PXT1: variants seen among roughly 807,000 people sequenced by gnomAD.
PXT1 encodes peroxisomal testis-specific protein 1.
Under a neutral mutation model 11.0 loss-of-function variants are expected in PXT1, and 11 were observed. The observed-to-expected ratio is 1.00, with a 90% CI of 0.63 to 1.66. PXT1 has a LOEUF of 1.66. Ranked by LOEUF, PXT1 falls within the 40% of genes most tolerant of loss-of-function variation. PXT1 has a pLI of 0.00. For synonymous variants in PXT1, 43 were observed against 51.4 expected (o/e 0.84, Z 0.70); for missense variants, 141 against 155.5 (o/e 0.91, Z 0.49).
chr6:36,424,588 G>C (rs551793755), intron 3 of PXT1, among the ~76,000 whole-genome samples: 1 of 152,320 alleles, frequency 6.6e-6, no homozygotes, highest in South Asian at 2.1e-4. Context: ...ACAGTGAGCC[G>C]AGATCGCGCC....
At position 36,411,494 on chromosome 6, in the gene PXT1, G is replaced by T. The variant is rs750510489; in HGVS notation, c.170-10910C>A. On this transcript the variant is annotated intron_variant, in intron 3 of 4. Transcript: ENST00000454782. ...TACCATAGTAACTACCTCATAGAGG[G>T]GTTGTTGAGATGACTTGATGAGTTA... 6.2e-4 allele frequency among the ~76,000 whole-genome samples: 94 copies of T among 152,166 alleles called. 1 individual carries two copies. Among genetic ancestry groups the T allele is most frequent in the Middle Eastern group, 6.8e-3 (2 of 294 alleles).
chr6:36,420,126 C>G (rs769766665), intron 3 of PXT1, among the ~76,000 whole-genome samples: 10 of 152,224 alleles, frequency 6.6e-5, no homozygotes, highest in Non-Finnish European at 1.5e-4. Context: ...GAGATACTCT[C>G]ACAATTGCTG....
chr6:36,405,058 A>C (rs953436029), intron 3 of PXT1, among the ~76,000 whole-genome samples: 2 of 152,190 alleles, frequency 1.3e-5, no homozygotes, highest in Non-Finnish European at 2.9e-5. Context: ...AGCTCCATGC[A>C]TATATTGCCC....
rs183236946 is a variant in PXT1, at chr6:36,424,596, G to A, written c.169+1318C>T. ...CGGAGCTACAGTGAGCCGAGATCGC[G>A]CCACTGCACTCCAGCCTGGGTGACA... On this transcript the variant is annotated intron_variant, in intron 3 of 4. Coordinates refer to ENST00000454782, the MANE Select transcript of PXT1 (RefSeq NM_152990.4). Among the ~76,000 whole-genome samples the A allele has an allele frequency of 5.3e-5, 8 of 152,310 alleles. No homozygotes were observed. The East Asian group carries it at 9.7e-4, about 18-fold the overall frequency.
chr6:36,441,844 T>C (rs2127420623), intron 1 of PXT1, among the ~76,000 whole-genome samples: 1 of 150,870 alleles, frequency 6.6e-6, no homozygotes, highest in Admixed American at 6.6e-5. Flanking sequence ...GCTATACAAG[T>C]ATCCGTTAAC....
intron 4 of PXT1, among the ~76,000 whole-genome samples, chr6:36,396,515 A>G (rs1474875183): frequency 2.0e-5 from 3 of 152,162 alleles, no homozygotes; most frequent in Non-Finnish European, 2.9e-5. Context: ...TGAGTCCCGC[A>G]TGGCGCCGGA....
intron 2 of PXT1, among the ~76,000 whole-genome samples, chr6:36,436,113 C>CAAAAAAAAAAAAAAAAAAAAAAAACA (rs11294829): frequency 1.7e-5 from 1 of 60,094 alleles, no homozygotes; most frequent in Non-Finnish European, 3.3e-5. Context: ...AAAAGTAAGC[C>CAAAAAAAAAAAAAAAAAAAAAAAACA]AAAAAAAAAA....
intron 4 of PXT1, among the ~76,000 whole-genome samples, chr6:36,395,258 G>A (rs1774126946): frequency 6.6e-6 from 1 of 152,176 alleles, no homozygotes; most frequent in Non-Finnish European, 1.5e-5. Context: ...ATAAATTGAT[G>A]AGCTGCTTGA....
chr6:36,436,576 T>C (rs1774766732), intron 2 of PXT1, among the ~76,000 whole-genome samples: 1 of 152,098 alleles, frequency 6.6e-6, no homozygotes, highest in Non-Finnish European at 1.5e-5. Flanking sequence ...TGGTACTGGG[T>C]TGTATCTGGG....
intron 2 of PXT1, among the ~76,000 whole-genome samples, chr6:36,437,247 A>G (rs953209984): frequency 1.3e-4 from 20 of 152,024 alleles, no homozygotes; most frequent in African/African-American, 4.8e-4. Flanking sequence ...AGATTATACC[A>G]CTGCACTCCA....
intron 3 of PXT1, among the ~76,000 whole-genome samples, chr6:36,406,750 G>A (rs1428910221): frequency 2.0e-5 from 3 of 151,418 alleles, no homozygotes; most frequent in East Asian, 1.9e-4. Context: ...GGTAGAGGTC[G>A]CAGTGGGCCA....
At chr6:36,408,001 G>A (rs1025928710) in intron 3 of PXT1, among the ~76,000 whole-genome samples, 3 of 133,736 alleles carry the variant, frequency 2.2e-5, no homozygotes, top group Non-Finnish European at 4.7e-5. Flanking sequence ...TTGCTCTGTT[G>A]CCCAGGCTGG....
At chr6:36,411,249 A>G (rs1431012990) in intron 3 of PXT1, among the ~76,000 whole-genome samples, 2 of 152,160 alleles carry the variant, frequency 1.3e-5, no homozygotes, top group Non-Finnish European at 2.9e-5. Context: ...CAGGAGTTCG[A>G]GACCAGCCTG....
At chr6:36,416,995 A>T (rs1288737231) in intron 3 of PXT1, among the ~76,000 whole-genome samples, 1 of 152,252 alleles carries the variant, frequency 6.6e-6, no homozygotes, top group Non-Finnish European at 1.5e-5. Context: ...CATGGATCAA[A>T]TAAGAAATAG....
At chr6:36,404,695 C>A (rs888226824) in intron 3 of PXT1, among the ~76,000 whole-genome samples, 1 of 151,716 alleles carries the variant, frequency 6.6e-6, no homozygotes, top group Non-Finnish European at 1.5e-5. Flanking sequence ...CAGTGGCTCA[C>A]GCCTGTAATC....
At chr6:36,435,967 T>A (rs1330728008) in intron 2 of PXT1, among the ~76,000 whole-genome samples, 8 of 151,198 alleles carry the variant, frequency 5.3e-5, no homozygotes, top group Non-Finnish European at 8.9e-5. Flanking sequence ...AAGAAAGGAG[T>A]AAGTCAACAG....
Position 36,442,710 on chromosome 6 carries a change from G to A in PXT1, c.-305C>T, listed in dbSNP as rs1774896691. Reference sequence around the variant, plus strand: ...GGGAGATCAGGGTTCCACATTTTCGGGTAAGCATTAGCCGTCCTGGCGCTG... The same window carrying A: ...GGGAGATCAGGGTTCCACATTTTCGAGTAAGCATTAGCCGTCCTGGCGCTG... On this transcript the variant is annotated 5_prime_UTR_variant, in exon 1 of 5. Coordinates refer to ENST00000454782, the MANE Select transcript of PXT1 (RefSeq NM_152990.4). 1 of 152,178 alleles carries A rather than the reference G, an allele frequency of 6.6e-6. No individual in the cohort carries two copies. The highest frequency in any genetic ancestry group is 6.5e-5 in the Admixed American group (1 of 15,276). 9.4% of individuals were successfully genotyped at this position (152,178 alleles called of 1,614,324 possible).
intron 3 of PXT1, among the ~76,000 whole-genome samples, chr6:36,419,480 G>C (rs614962): frequency 0.06 from 9,059 of 152,234 alleles, 461 homozygotes; most frequent in African/African-American, 0.14. Context: ...GGCAGAGGAG[G>C]AAGGAGACAG....
intron 3 of PXT1, among the ~76,000 whole-genome samples, chr6:36,403,162 A>G (rs1310948992): frequency 6.6e-6 from 1 of 152,000 alleles, no homozygotes; most frequent in African/African-American, 2.4e-5. Context: ...CCTGGCCAGT[A>G]TTTTCTTTAA....
Sources: allele counts gnomAD v4.1 joint callset (sites outside exome capture counted in the v4.1 genomes callset), GRCh38; gene constraint gnomAD v4.1.1; transcripts MANE v1.5; gene names NCBI Gene and HGNC (gene_info 2026-07-23, HGNC 2026-07-21).